The following BOD1L1 variants were observed in gnomAD, a reference collection of about 807,000 sequenced individuals.
BOD1L1 encodes biorientation of chromosomes in cell division protein 1-like 1.
BOD1L1 carries 86 observed loss-of-function variants against 240.7 expected under a neutral mutation model. The ratio of observed to expected loss-of-function variants is 0.36; its 90% CI spans 0.30 to 0.43. BOD1L1 has a LOEUF of 0.43. Ranked by LOEUF, BOD1L1 falls within the 20% of genes least tolerant of loss-of-function variation. The pLI, the probability that BOD1L1 is intolerant of heterozygous loss-of-function variation, is 1.00. For missense variants in BOD1L1, 3,554 were observed against 3,643.5 expected (o/e 0.98, Z 0.63); for synonymous variants, 1,268 against 1,272.3 (o/e 1.00, Z 0.07).
rs747826794 is a variant in BOD1L1, at chr4:13,603,214, G to C, written c.3686C>G (p.Thr1229Ser). The C allele has an allele frequency of 1.2e-6, 2 of 1,613,978 alleles. No homozygotes were observed. The highest frequency in any genetic ancestry group is 1.7e-5 in the Admixed American group (1 of 60,034). The change falls in exon 10 of 26, where the codon ACT (threonine) becomes AGT (serine). Residue 1229 changes from threonine (T) to serine (S), a missense_variant. Physicochemically the swap from Thr to Ser is moderately conservative, Grantham distance 58. Transcript: ENST00000040738. Reference protein sequence around the residue: ...GEKEPIHRGTTEVNIDSETVH... With the variant: ...GEKEPIHRGTSEVNIDSETVH... ...AGTTTCAGAATCTATATTCACTTCA[G>C]TAGTTCCTCTATGAATGGGTTCTTT...
At chr4:13,573,386 C>T (rs1289081609) in intron 25 of BOD1L1, among the ~76,000 whole-genome samples, 2 of 151,848 alleles carry the variant, frequency 1.3e-5, no homozygotes, top group African/African-American at 4.8e-5. Context: ...ATTCATTAGA[C>T]CACACTTGGT....
intron 3 of BOD1L1, 38 bp downstream of exon 3, chr4:13,615,273 GA>G: frequency 6.7e-7 from 1 of 1,496,684 alleles, no homozygotes; most frequent in Non-Finnish European, 9.0e-7. Flanking sequence ...AGTTCAAGAA[GA>G]AAAACAATGG....
At chr4:13,606,824 A>G (rs994277299) in intron 9 of BOD1L1, among the ~76,000 whole-genome samples, 1 of 152,176 alleles carries the variant, frequency 6.6e-6, no homozygotes, top group African/African-American at 2.4e-5. Flanking sequence ...TTTTAATTTT[A>G]GCCTCCCTTT....
chr4:13,595,889 C>T lies in BOD1L1; in HGVS notation c.8075G>A (p.Ser2692Asn), dbSNP rs1714579840. 3 of 1,613,674 alleles carry T rather than the reference C, an allele frequency of 1.9e-6. No individual in the cohort carries two copies. The highest frequency in any genetic ancestry group is 2.5e-6 in the Non-Finnish European group (3 of 1,179,844). Residue 2692 changes from serine to asparagine, a missense_variant, in exon 12 of 26, where the codon AGT becomes AAT. Coordinates refer to ENST00000040738, the MANE Select transcript of BOD1L1 (RefSeq NM_148894.3). ...TCCACTTGGCTTTCCCCCACACAGA[C>T]TTTCTGGTGGTGCCAGAATTTCACC... ...KNGEILAPPE[S>N]LCGGKPSGIA...
rs765030572 is a variant in BOD1L1, at chr4:13,602,179, A to G, written c.4721T>C (p.Leu1574Pro). 3 of 1,613,854 alleles carry G rather than the reference A, an allele frequency of 1.9e-6. No individual in the cohort carries two copies. The highest frequency in any genetic ancestry group is 2.5e-6 in the Non-Finnish European group (3 of 1,179,800). ...TTCACTGGCTTCTGCACCAACATGA[A>G]GAGGATTATTTCTGGAATGTGTTCC... ...IIGTHSRNNPLHVGAEASECT... is the reference protein window; with the variant it reads ...IIGTHSRNNPPHVGAEASECT... Residue 1574 changes from leucine (L) to proline (P), a missense_variant, in exon 10 of 26, where the codon CTT (leucine) becomes CCT (proline). Leu to Pro is a moderately conservative substitution (Grantham distance 98, BLOSUM62 -3). Around this residue, in one of 2 missense-constraint regions of BOD1L1, gnomAD observed 3,393 missense variants for 3,427.1 expected, o/e 0.99. Transcript: ENST00000040738.
intron 1 of BOD1L1, chr4:13,624,493 A>G (rs1717250426): frequency 6.6e-6 from 1 of 152,236 alleles, no homozygotes; most frequent in Non-Finnish European, 1.5e-5. Flanking sequence ...ATCTCGGCTA[A>G]CTGCAACCTC....
Position 13,568,817 on chromosome 4 carries a change from T to A in BOD1L1, c.*1194A>T, listed in dbSNP as rs1711966050. 6.6e-6 allele frequency: 1 copy of A among 151,780 alleles called. No individual in the cohort carries two copies. Among genetic ancestry groups the A allele is most frequent in the South Asian group, 2.1e-4 (1 of 4,826 alleles). 9.4% of individuals were successfully genotyped at this position (151,780 alleles called of 1,614,324 possible). ...AATGACAGAAATATCCACCTTACAT[T>A]AAGAGTCAAAATAAAAAAAAAAACC... On this transcript the variant is annotated 3_prime_UTR_variant, in exon 26 of 26. Transcript: ENST00000040738.
Position 13,586,446 on chromosome 4 carries a change from T to C in BOD1L1, c.8383A>G (p.Ile2795Val), listed in dbSNP as rs761073385. 1.4e-5 allele frequency: 23 copies of C among 1,611,948 alleles called. No individual in the cohort carries two copies. In the Admixed American group the frequency reaches 1.5e-4, roughly 11 times the overall value. The change falls in exon 17 of 26, where the codon ATA (isoleucine) becomes GTA (valine). Residue 2795 changes from isoleucine (I) to valine (V), a missense_variant. Physicochemically the swap from Ile to Val is conservative, Grantham distance 29. Transcript: ENST00000040738. Reference sequence around the variant, plus strand: ...GGACACTGCCTTTGTGCTGTTTCTATTCTGGAATCCAGGACATCTGGATTA... The same window carrying C: ...GGACACTGCCTTTGTGCTGTTTCTACTCTGGAATCCAGGACATCTGGATTA... The part of the protein sequence containing the change: ...DDNPDVLDSR[I>V]ETAQRQCPET...
intron 21 of BOD1L1, among the ~76,000 whole-genome samples, chr4:13,580,720 C>T (rs1228490624): frequency 6.6e-6 from 1 of 152,142 alleles, no homozygotes; most frequent in Non-Finnish European, 1.5e-5. Context: ...AAGCCACTAT[C>T]TCAAAATCTT....
chr4:13,577,529 G>A, intron 23 of BOD1L1, 42 bp from the exon 24 acceptor site: 1 of 1,601,478 alleles, frequency 6.2e-7, no homozygotes, highest in Non-Finnish European at 8.5e-7. Flanking sequence ...GGTCAGCTGA[G>A]CATTTAAGTT....
At chr4:13,588,701 C>T in intron 15 of BOD1L1, 21 bp downstream of exon 15, 2 of 1,557,746 alleles carry the variant, frequency 1.3e-6, no homozygotes, top group Non-Finnish European at 8.7e-7. Flanking sequence ...ATATCAAACA[C>T]TTGAGTTTAT....
intron 1 of BOD1L1, chr4:13,625,231 A>C (rs923708377): frequency 2.0e-5 from 3 of 152,228 alleles, no homozygotes; most frequent in African/African-American, 7.2e-5. Context: ...ACATTAAAAT[A>C]GGTTCTTATT....
At position 13,592,007 on chromosome 4, in the gene BOD1L1, T is replaced by A. The variant is rs751838095; in HGVS notation, c.8105-41A>T. The A allele has an allele frequency of 1.4e-5, 21 of 1,448,478 alleles. No individual in the cohort carries two copies. The South Asian group carries it at 2.7e-4, about 19-fold the overall frequency. The allele number at this position is 1,448,478 out of a possible 1,614,324, so 89.7% of individuals were successfully genotyped here. ...AATGAGATGTAAAGAAACTGAATAT[T>A]GTTTCTGAAATGCAGAGAAACAAAT... On this transcript the variant is annotated intron_variant, in intron 12 of 25. Transcript: ENST00000040738.
chr4:13,578,287 A>C (rs531958395), intron 22 of BOD1L1: 1 of 152,370 alleles, frequency 6.6e-6, no homozygotes, highest in South Asian at 2.1e-4. Context: ...TAAGGAGCCC[A>C]CAATATGTAC....
chr4:13,616,022 G>A (rs1404452638), intron 2 of BOD1L1, among the ~76,000 whole-genome samples: 1 of 152,130 alleles, frequency 6.6e-6, no homozygotes, highest in Non-Finnish European at 1.5e-5. Flanking sequence ...GAAAACTTTA[G>A]AGAAAAAAAT....
At position 13,569,901 on chromosome 4, in the gene BOD1L1, C is replaced by A. The variant is rs1454527020; in HGVS notation, c.*110G>T. 5 of 683,196 alleles carry A rather than the reference C, an allele frequency of 7.3e-6. No homozygotes were observed. The highest frequency in any genetic ancestry group is 1.9e-5 in the African/African-American group (1 of 52,932). 42.3% of individuals were successfully genotyped at this position (683,196 alleles called of 1,614,324 possible). A position where few individuals can be genotyped will look rare whatever the true frequency, so the allele number is the denominator to read the frequency against. On this transcript the variant is annotated 3_prime_UTR_variant, in exon 26 of 26. Transcript: ENST00000040738. Reference sequence around the variant, plus strand: ...GAAAAAGCTTGCACCTAGGGACTTACAGCACATGCATATCTTTTTCCTGGT... The same window carrying A: ...GAAAAAGCTTGCACCTAGGGACTTAAAGCACATGCATATCTTTTTCCTGGT...
At chr4:13,597,788 A>C (rs768980533) in intron 10 of BOD1L1, among the ~76,000 whole-genome samples, 1 of 152,214 alleles carries the variant, frequency 6.6e-6, no homozygotes, top group Non-Finnish European at 1.5e-5. Context: ...AAACTTCTGG[A>C]GCATTCAATT....
chr4:13,599,229 C>G lies in BOD1L1; in HGVS notation c.7671G>C (p.Gln2557His). 6.2e-7 allele frequency: 1 copy of G among 1,613,786 alleles called. No individual in the cohort carries two copies. Among genetic ancestry groups the G allele is most frequent in the Non-Finnish European group, 8.5e-7 (1 of 1,179,774 alleles). The stretch of plus-strand genomic sequence containing the variant: ...TGGTTTTCAAGTTGTCTTCAGACCC[C>G]TGCTGCTCAGCAGGAAGAAAGGAAT... ...AEHSFLPAEQ[Q>H]GSEDNLKTST... The change falls in exon 10 of 26, where the codon CAG becomes CAC. Residue 2557 changes from glutamine to histidine, a missense_variant. Around this residue, in one of 2 missense-constraint regions of BOD1L1, gnomAD observed 3,393 missense variants for 3,427.1 expected, o/e 0.99. Coordinates refer to ENST00000040738, the MANE Select transcript of BOD1L1 (RefSeq NM_148894.3).
intron 25 of BOD1L1, among the ~76,000 whole-genome samples, chr4:13,573,677 C>T (rs1482376909): frequency 6.6e-6 from 1 of 152,064 alleles, no homozygotes; most frequent in Non-Finnish European, 1.5e-5. Flanking sequence ...GAGTCTGCCA[C>T]AATGCTCGGC....
Sources: allele counts gnomAD v4.1 joint callset (sites outside exome capture counted in the v4.1 genomes callset), GRCh38; gene constraint gnomAD v4.1.1; regional missense constraint gnomAD v4.1.1; transcripts MANE v1.5; gene names NCBI Gene and HGNC (gene_info 2026-07-23, HGNC 2026-07-21).